The following ATP10B variants were observed in gnomAD, a reference collection of about 807,000 sequenced individuals.
ATP10B encodes phospholipid-transporting ATPase VB.
Under a neutral mutation model 141.2 loss-of-function variants are expected in ATP10B, and 122 were observed. The observed-to-expected ratio is 0.86, with a 90% CI of 0.75 to 1.00. The LOEUF is 1.00. ATP10B is among the 50% of genes least tolerant of loss of function. ATP10B has a pLI of 0.00. For synonymous variants in ATP10B, 685 were observed against 692.0 expected (o/e 0.99, Z 0.16); for missense variants, 1,876 against 1,825.3 (o/e 1.03, Z -0.51).
intron 24 of ATP10B, among the ~76,000 whole-genome samples, chr5:160,575,266 G>T (rs1305418766): frequency 5.3e-5 from 8 of 151,680 alleles, no homozygotes; most frequent in Non-Finnish European, 8.8e-5. Context: ...CTAATGGTGT[G>T]TTTTTTTTCC....
intron 18 of ATP10B, chr5:160,612,033 T>C (rs1008954945): frequency 6.6e-6 from 1 of 152,228 alleles, no homozygotes; most frequent in African/African-American, 2.4e-5. Context: ...TGAATATGCC[T>C]CTTCAGCTTT....
chr5:160,619,541 C>G (rs1402801974), intron 15 of ATP10B, among the ~76,000 whole-genome samples: 1 of 152,134 alleles, frequency 6.6e-6, no homozygotes, highest in East Asian at 1.9e-4. Context: ...TAATCAATCC[C>G]CATAAACCTC....
At chr5:160,753,397 G>A (rs2127826225) in intron 2 of ATP10B, among the ~76,000 whole-genome samples, 1 of 152,266 alleles carries the variant, frequency 6.6e-6, no homozygotes, top group South Asian at 2.1e-4. Context: ...GCTGGCAGGA[G>A]GGTTAAAGAA....
Position 160,670,465 on chromosome 5 carries a change from G to T in ATP10B, c.673C>A (p.Gln225Lys). ...QRCVVKGFSQ[Q>K]EVQFEPELFH... Reference sequence around the variant, plus strand: ...GAAGATATTAGAAAGAGCCCTACCTGCTGTGAGAAGCCCTTCACGACACAT... The same window carrying T: ...GAAGATATTAGAAAGAGCCCTACCTTCTGTGAGAAGCCCTTCACGACACAT... The change falls in exon 7 of 26, where the codon CAG (glutamine) becomes AAG (lysine). Residue 225 changes from glutamine to lysine, a missense_variant and splice_region_variant. Transcript: ENST00000327245. The T allele has an allele frequency of 6.2e-7, 1 of 1,613,838 alleles. No homozygotes were observed. Among genetic ancestry groups the T allele is most frequent in the South Asian group, 1.1e-5 (1 of 91,056 alleles).
At chr5:160,637,592 G>A (rs971803735) in intron 10 of ATP10B, among the ~76,000 whole-genome samples, 6 of 152,294 alleles carry the variant, frequency 3.9e-5, no homozygotes, top group Non-Finnish European at 7.3e-5. Context: ...ATAACAACAC[G>A]CATTATCTGA....
intron 9 of ATP10B, among the ~76,000 whole-genome samples, chr5:160,643,323 A>G (rs540018064): frequency 8.9e-4 from 136 of 152,358 alleles, no homozygotes; most frequent in Non-Finnish European, 1.6e-3. Context: ...AAAGTGTCCC[A>G]GTGAGTGGAA....
rs114665240 is a variant in ATP10B at position 160,825,901 on chromosome 5, G to A, written c.-576+26040C>T. On this transcript the variant is annotated intron_variant, in intron 1 of 25. Transcript: ENST00000327245. ...TTAGCTCCAATTTATAAGTGAGAAC[G>A]TGCAGTATTTGTTGTTTTGCTCCTG... Among the ~76,000 whole-genome samples, 657 of 152,258 alleles carry A rather than the reference G, an allele frequency of 4.3e-3. 8 individuals are homozygous for A. Among genetic ancestry groups the A allele is most frequent in the South Asian group, 0.011 (52 of 4,828 alleles).
At chr5:160,666,919 T>C (rs1324240443) in intron 7 of ATP10B, among the ~76,000 whole-genome samples, 1 of 152,120 alleles carries the variant, frequency 6.6e-6, no homozygotes, top group Non-Finnish European at 1.5e-5. Flanking sequence ...TACTGAGCCT[T>C]AAAAACTGAG....
At chr5:160,874,504 C>T in the ATP10B span, among the ~76,000 whole-genome samples, 2 of 152,242 alleles carry the variant, frequency 1.3e-5, no homozygotes, top group Middle Eastern at 6.8e-3. Context: ...AACACAGTTC[C>T]TCATCAGCAA....
chr5:160,745,645 G>A (rs1417560652), intron 2 of ATP10B, among the ~76,000 whole-genome samples: 1 of 152,226 alleles, frequency 6.6e-6, no homozygotes, highest in African/African-American at 2.4e-5. Flanking sequence ...AGAAGACTAT[G>A]CCACCAATAA....
intron 22 of ATP10B, among the ~76,000 whole-genome samples, chr5:160,595,234 A>C (rs1408822271): frequency 6.6e-6 from 1 of 152,232 alleles, no homozygotes; most frequent in Non-Finnish European, 1.5e-5. Context: ...AGGATTAAGA[A>C]TCTCACTCAA....
At chr5:160,632,618 AG>A (rs1478372352) in intron 12 of ATP10B, 2 of 175,418 alleles carry the variant, frequency 1.1e-5, no homozygotes, top group East Asian at 1.1e-4. Context: ...ATTTCCTCAG[AG>A]GTTTTTTTTT....
chr5:160,763,035 A>C (rs942418495), intron 2 of ATP10B, among the ~76,000 whole-genome samples: 1 of 151,322 alleles, frequency 6.6e-6, no homozygotes, highest in African/African-American at 2.4e-5. Context: ...ATATATATGC[A>C]CCTAATACTG....
At chr5:160,789,196 A>G (rs1771392255) in intron 1 of ATP10B, among the ~76,000 whole-genome samples, 1 of 152,158 alleles carries the variant, frequency 6.6e-6, no homozygotes, top group African/African-American at 2.4e-5. Flanking sequence ...CAGTTTGACC[A>G]TCACCGGGAG....
intron 6 of ATP10B, among the ~76,000 whole-genome samples, chr5:160,677,312 T>G (rs1324368878): frequency 6.6e-6 from 1 of 152,194 alleles, no homozygotes; most frequent in Non-Finnish European, 1.5e-5. Context: ...GGGAGTAGCA[T>G]GGGCACCTGC....
chr5:160,909,213 CA>C, the ATP10B span, among the ~76,000 whole-genome samples: 80 of 152,170 alleles, frequency 5.3e-4, no homozygotes, highest in Admixed American at 2.8e-3. Context: ...ATGCTCTTTT[CA>C]GCACTGTAAG....
chr5:160,705,232 C>T (rs752823067), intron 3 of ATP10B, among the ~76,000 whole-genome samples: 1 of 151,950 alleles, frequency 6.6e-6, no homozygotes, highest in Non-Finnish European at 1.5e-5. Flanking sequence ...CCTTTGTTTT[C>T]TAAGACAGGG....
intron 1 of ATP10B, among the ~76,000 whole-genome samples, chr5:160,841,528 T>C (rs1356203588): frequency 6.6e-6 from 1 of 152,052 alleles, no homozygotes; most frequent in Non-Finnish European, 1.5e-5. Context: ...TTAGATGTAG[T>C]TTAATGTTCT....
At chr5:160,648,660 A>G (rs1280563267) in intron 8 of ATP10B, among the ~76,000 whole-genome samples, 1 of 152,172 alleles carries the variant, frequency 6.6e-6, no homozygotes, top group Non-Finnish European at 1.5e-5. Flanking sequence ...TATGCTGACA[A>G]TCTTAGAAAA....
Sources: gnomAD v4.1 joint callset for allele counts (sites outside exome capture counted in the v4.1 genomes callset) on GRCh38, gnomAD v4.1.1 for gene constraint, MANE v1.5 for transcripts, NCBI Gene and HGNC (gene_info 2026-07-23, HGNC 2026-07-21) for gene names.